Variants in WASHC2A observed in about 807,000 individuals in gnomAD.
WASHC2A encodes the protein WASH complex subunit FAM21A.
Under a neutral mutation model 140.3 loss-of-function variants are expected in WASHC2A, and 82 were observed. That is an observed-to-expected ratio of 0.58 (90% CI 0.49 to 0.70). WASHC2A has a LOEUF of 0.70. Among genes scored for constraint, WASHC2A ranks in the 30% least tolerant of loss-of-function variants. The probability of loss-of-function intolerance (pLI) is 0.00; values close to 1 mark genes in which losing one functional copy is unlikely to be tolerated. For missense variants in WASHC2A, 985 were observed against 1,521.8 expected (o/e 0.65, Z 5.87); for synonymous variants, 340 against 560.8 (o/e 0.61, Z 5.56).
chr10:50,111,361 T>G (rs1470599707), intron 20 of WASHC2A, among the ~76,000 whole-genome samples: 3 of 151,022 alleles, frequency 2.0e-5, no homozygotes, highest in African/African-American at 7.3e-5. Flanking sequence ...AACTTGACAC[T>G]CGGATGCATC....
In WASHC2A at chr10:50,090,515, A is replaced by AATAT. The variant is rs1203140565; in HGVS notation, c.733-248_733-245dup. Among the ~76,000 whole-genome samples, 80 of 108,708 alleles carry AATAT rather than the reference A, an allele frequency of 7.4e-4. 2 individuals carry two copies. The highest frequency in any genetic ancestry group is 5.6e-3 in the Middle Eastern group (1 of 178). 71.3% of individuals were successfully genotyped at this position (108,708 alleles called of 152,430 possible). A position where few individuals can be genotyped will look rare whatever the true frequency, so the allele number is the denominator to read the frequency against. On this transcript the variant is annotated intron_variant, in intron 8 of 30. Transcript: ENST00000282633. The stretch of plus-strand genomic sequence containing the variant: ...TAGACTCCATCTCAAAAAAAAAAAA[A>AATAT]ATATATATATATATATTTATATTTA...
In WASHC2A at chr10:50,093,918, G is replaced by C; in HGVS notation, c.1180+1G>C. 1.3e-6 allele frequency: 2 copies of C among 1,591,878 alleles called. No individual in the cohort carries two copies. The highest frequency in any genetic ancestry group is 2.2e-5 in the South Asian group (2 of 90,020). On this transcript the variant is annotated splice_donor_variant, in intron 13 of 30. Coordinates refer to ENST00000282633, the MANE Select transcript of WASHC2A (RefSeq NM_001005751.3). LOFTEE classifies it high-confidence loss of function. ...CAAGCTGGAGCCTCTGTTAAGGAGG[G>C]TAAGCTGGGGCTGGGCAGCTGCGTC...
intron 23 of WASHC2A, among the ~76,000 whole-genome samples, chr10:50,124,507 A>C (rs1416547923): frequency 6.6e-6 from 1 of 152,140 alleles, no homozygotes; most frequent in Non-Finnish European, 1.5e-5. Context: ...GTTGATGGTA[A>C]CTTTTAAATG....
intron 9 of WASHC2A, among the ~76,000 whole-genome samples, 172 bp from the exon 10 acceptor site, chr10:50,091,259 T>A (rs1161181749): frequency 6.6e-6 from 1 of 150,956 alleles, no homozygotes; most frequent in East Asian, 1.9e-4. Context: ...TTATGAGTCC[T>A]ATTCCTTGGG....
Position 50,084,060 on chromosome 10 carries a change from C to T in WASHC2A, c.529-12C>T. 4.3e-6 allele frequency: 7 copies of T among 1,611,132 alleles called. No homozygotes were observed. The South Asian group carries it at 6.6e-5, about 15-fold the overall frequency. On this transcript the variant is annotated splice_polypyrimidine_tract_variant and intron_variant, in intron 5 of 30. Transcript: ENST00000282633. ...GAAATGTTTGACAGCCTATTCCTTT[C>T]ATGATGTACAGGATCTATACATTGA...
chr10:50,121,490 T>G (rs1843015920), intron 23 of WASHC2A, among the ~76,000 whole-genome samples: 1 of 149,404 alleles, frequency 6.7e-6, no homozygotes, highest in African/African-American at 2.6e-5. Flanking sequence ...GCCTCCTGGG[T>G]TCAAGCGATT....
At position 50,068,086 on chromosome 10, in the gene WASHC2A, C is replaced by A; in HGVS notation, c.4-19C>A. ...GCCGCCCTCAGGCTCAGCTTCTCTT[C>A]TCGTTTTTTTCGCTGCAGATGAACC... On this transcript the variant is annotated intron_variant, in intron 1 of 30. Coordinates refer to ENST00000282633, the MANE Select transcript of WASHC2A (RefSeq NM_001005751.3). 1 of 1,609,046 alleles carries A rather than the reference C, an allele frequency of 6.2e-7. No individual in the cohort carries two copies. Among genetic ancestry groups the A allele is most frequent in the Non-Finnish European group, 8.5e-7 (1 of 1,178,346 alleles).
intron 3 of WASHC2A, among the ~76,000 whole-genome samples, chr10:50,075,008 T>C (rs1554877330): frequency 2.0e-5 from 3 of 152,080 alleles, no homozygotes; most frequent in Non-Finnish European, 4.4e-5. Flanking sequence ...TCAGTGTATT[T>C]TTTTCTGTTC....
chr10:50,076,017 C>T (rs1483576246), intron 3 of WASHC2A, among the ~76,000 whole-genome samples: 4 of 151,794 alleles, frequency 2.6e-5, no homozygotes, highest in East Asian at 1.9e-4. Flanking sequence ...CAAGTTTAAG[C>T]GATTCTCCTG....
intron 3 of WASHC2A, among the ~76,000 whole-genome samples, chr10:50,077,765 C>G (rs1304424544): frequency 6.6e-6 from 1 of 151,334 alleles, no homozygotes; most frequent in Non-Finnish European, 1.5e-5. Flanking sequence ...CTTTACCTCC[C>G]AAGCTCAAGA....
chr10:50,126,908 G>T (rs1176623111), intron 26 of WASHC2A, among the ~76,000 whole-genome samples: 1 of 152,026 alleles, frequency 6.6e-6, no homozygotes, highest in Non-Finnish European at 1.5e-5. Context: ...TGACTCTTGG[G>T]AATCTTACTC....
At chr10:50,068,054 C>A (rs1455223899) in intron 1 of WASHC2A, 46 bp downstream of exon 1, 7 of 1,608,118 alleles carry the variant, frequency 4.4e-6, no homozygotes, top group African/African-American at 1.3e-5. Flanking sequence ...CTGGGGCCGC[C>A]GTCCCTGCCG....
At chr10:50,087,374 A>C in intron 8 of WASHC2A, 52 bp downstream of exon 8, 1 of 1,610,130 alleles carries the variant, frequency 6.2e-7, no homozygotes, top group South Asian at 1.1e-5. Context: ...ATTGAAGCAT[A>C]GTATATATAC....
At chr10:50,110,892 CAAAA>C (rs1239943523) in intron 20 of WASHC2A, among the ~76,000 whole-genome samples, 13 of 69,724 alleles carry the variant, frequency 1.9e-4, no homozygotes, top group South Asian at 1.3e-3. Flanking sequence ...GACTCCATCT[CAAAA>C]AAAAAAAAAA....
rs1281829695 is a variant in WASHC2A at position 50,104,043 on chromosome 10, A to T, written c.1637A>T (p.Asp546Val). The T allele has an allele frequency of 6.5e-7, 1 of 1,537,200 alleles. No homozygotes were observed. Among genetic ancestry groups the T allele is most frequent in the Non-Finnish European group, 9.0e-7 (1 of 1,116,820 alleles). The change falls in exon 18 of 31, where the codon GAT (aspartate) becomes GTT (valine). Residue 546 changes from aspartate to valine, a missense_variant and splice_region_variant. Coordinates refer to ENST00000282633, the MANE Select transcript of WASHC2A (RefSeq NM_001005751.3). ...GCAACTTTAATTTCAATCCAACAGGATTTGTTTTCTTCTCAAAGTGCGAGT... is the reference window on the plus strand; with the variant it reads ...GCAACTTTAATTTCAATCCAACAGGTTTTGTTTTCTTCTCAAAGTGCGAGT... ...GLFSDEEDSE[D>V]LFSSQSASKL...
chr10:50,079,500 G>A (rs1277950593), intron 4 of WASHC2A, among the ~76,000 whole-genome samples: 1 of 152,236 alleles, frequency 6.6e-6, no homozygotes. Flanking sequence ...GGGTGCAAGT[G>A]ATTCTCCTGG....
chr10:50,068,273 T>C (rs1554874950), intron 2 of WASHC2A, 46 bp downstream of exon 2: 3 of 1,510,020 alleles, frequency 2.0e-6, no homozygotes, highest in East Asian at 4.9e-5. Flanking sequence ...GGGTGACGCT[T>C]GGCTTGCGCG....
intron 4 of WASHC2A, among the ~76,000 whole-genome samples, chr10:50,079,991 C>G (rs189541749): frequency 5.1e-4 from 74 of 144,942 alleles, no homozygotes; most frequent in Non-Finnish European, 9.5e-4. Context: ...TTTTTTTTTG[C>G]CTTTGGCCCT....
intron 5 of WASHC2A, 126 bp downstream of exon 5, chr10:50,081,057 A>C: frequency 1.7e-6 from 1 of 594,910 alleles, no homozygotes; most frequent in Non-Finnish European, 3.0e-6. Context: ...GTAGTCTCAC[A>C]TTGACTCCAC....
Sources: gnomAD v4.1 joint callset for allele counts (sites outside exome capture counted in the v4.1 genomes callset) on GRCh38, gnomAD v4.1.1 for gene constraint, MANE v1.5 for transcripts, NCBI Gene and HGNC (gene_info 2026-07-23, HGNC 2026-07-21) for gene names.